The following HECW2 variants were observed in gnomAD, a reference collection of about 807,000 sequenced individuals.
HECW2 encodes E3 ubiquitin-protein ligase HECW2.
Under a neutral mutation model 175.2 loss-of-function variants are expected in HECW2, and 61 were observed. That is an observed-to-expected ratio of 0.35 (90% CI 0.28 to 0.43). HECW2 has a LOEUF of 0.43. Ranked by LOEUF, HECW2 falls within the 20% of genes least tolerant of loss-of-function variation. The pLI, the probability that HECW2 is intolerant of heterozygous loss-of-function variation, is 1.00. For synonymous variants in HECW2, 671 were observed against 731.0 expected (o/e 0.92, Z 1.32); for missense variants, 1,524 against 2,000.5 (o/e 0.76, Z 4.54).
At chr2:196,499,937 T>C (rs192266368) in intron 1 of HECW2, among the ~76,000 whole-genome samples, 1 of 152,284 alleles carries the variant, frequency 6.6e-6, no homozygotes, top group African/African-American at 2.4e-5. Context: ...ATGACTTTGT[T>C]ACAACAAACC....
At chr2:196,448,813 G>T (rs1030350114) in intron 1 of HECW2, among the ~76,000 whole-genome samples, 1 of 152,210 alleles carries the variant, frequency 6.6e-6, no homozygotes, top group Non-Finnish European at 1.5e-5. Flanking sequence ...TGATAAGCAG[G>T]CATAATTAAA....
chr2:196,267,979 T>TA (rs1337951684), intron 17 of HECW2, among the ~76,000 whole-genome samples: 1 of 152,206 alleles, frequency 6.6e-6, no homozygotes, highest in African/African-American at 2.4e-5. Flanking sequence ...CTTTGACACA[T>TA]AGATTACTGA....
At chr2:196,493,352 G>A (rs142267974) in intron 1 of HECW2, 14 of 152,158 alleles carry the variant, frequency 9.2e-5, no homozygotes, top group African/African-American at 3.4e-4. Context: ...TGGGCAACAG[G>A]CTCAGAGACC....
chr2:196,414,215 C>T (rs1279620307), intron 2 of HECW2, among the ~76,000 whole-genome samples: 1 of 152,206 alleles, frequency 6.6e-6, no homozygotes, highest in Non-Finnish European at 1.5e-5. Flanking sequence ...GTTAGCTTGA[C>T]TCAGAAGCAA....
chr2:196,236,878 T>C (rs1163727246), intron 21 of HECW2, among the ~76,000 whole-genome samples: 1 of 152,262 alleles, frequency 6.6e-6, no homozygotes, highest in Non-Finnish European at 1.5e-5. Flanking sequence ...GTCAGGTTTC[T>C]CTACTGTGAA....
chr2:196,485,793 C>T (rs1238745719), intron 1 of HECW2, among the ~76,000 whole-genome samples: 1 of 151,810 alleles, frequency 6.6e-6, no homozygotes, highest in Non-Finnish European at 1.5e-5. Flanking sequence ...AAAAGTAATT[C>T]GTAAAACAAT....
chr2:196,232,289 CTGAG>C (rs1378725513), intron 21 of HECW2, among the ~76,000 whole-genome samples: 1 of 152,182 alleles, frequency 6.6e-6, no homozygotes, highest in Non-Finnish European at 1.5e-5. Context: ...AGCTTTACCT[CTGAG>C]TATTTTAATA....
chr2:196,385,350 T>C (rs1694317919), intron 2 of HECW2, among the ~76,000 whole-genome samples: 1 of 152,198 alleles, frequency 6.6e-6, no homozygotes, highest in South Asian at 2.1e-4. Flanking sequence ...TAATGAAAAG[T>C]ATTCAACAAA....
chr2:196,374,022 A>C (rs1693979811), intron 2 of HECW2, among the ~76,000 whole-genome samples: 1 of 146,790 alleles, frequency 6.8e-6, no homozygotes, highest in African/African-American at 2.7e-5. Flanking sequence ...ACAGAGAGAG[A>C]CTCCGTCTCA....
At chr2:196,432,467 G>A (rs965076006) in intron 2 of HECW2, among the ~76,000 whole-genome samples, 5 of 152,138 alleles carry the variant, frequency 3.3e-5, no homozygotes, top group Admixed American at 1.3e-4. Flanking sequence ...GGCAGACATC[G>A]TACTTTTTGG....
intron 1 of HECW2, among the ~76,000 whole-genome samples, chr2:196,566,138 A>G (rs1047975328): frequency 8.5e-5 from 13 of 152,196 alleles, no homozygotes; most frequent in Non-Finnish European, 1.8e-4. Flanking sequence ...AAAAAAACTA[A>G]CTAAAATTTT....
At chr2:196,304,453 A>AGTGTGTGT (rs1691187068) in intron 13 of HECW2, among the ~76,000 whole-genome samples, 2 of 152,234 alleles carry the variant, frequency 1.3e-5, no homozygotes, top group Admixed American at 6.5e-5. Context: ...ACCACACTAC[A>AGTGTGTGT]GTACCTGCAT....
intron 2 of HECW2, among the ~76,000 whole-genome samples, chr2:196,401,382 G>A (rs1224436940): frequency 2.0e-5 from 3 of 152,108 alleles, no homozygotes; most frequent in Admixed American, 6.5e-5. Context: ...ATACATTTTT[G>A]TTTAAAAGTA....
intron 23 of HECW2, 38 bp from the exon 24 acceptor site, chr2:196,222,378 T>C (rs965534760): frequency 2.5e-6 from 4 of 1,601,382 alleles, no homozygotes; most frequent in Non-Finnish European, 2.6e-6. Context: ...TATGTAGGCA[T>C]GGCTATTAGC....
chr2:196,477,991 G>C (rs904835813), intron 1 of HECW2, among the ~76,000 whole-genome samples: 2 of 152,176 alleles, frequency 1.3e-5, no homozygotes, highest in African/African-American at 4.8e-5. Flanking sequence ...GGCGGAGGTT[G>C]CAGTGAGCCG....
At chr2:196,576,229 T>G (rs1456919637) in intron 1 of HECW2, among the ~76,000 whole-genome samples, 1 of 152,174 alleles carries the variant, frequency 6.6e-6, no homozygotes, top group Non-Finnish European at 1.5e-5. Flanking sequence ...ATAGCCTAAG[T>G]GTGTAGTAGG....
intron 5 of HECW2, among the ~76,000 whole-genome samples, 178 bp downstream of exon 5, chr2:196,329,397 A>G (rs187165704): frequency 1.2e-3 from 189 of 152,290 alleles, no homozygotes; most frequent in African/African-American, 3.9e-3. Context: ...TTCTGAATTT[A>G]TATTAATAAT....
intron 13 of HECW2, among the ~76,000 whole-genome samples, chr2:196,298,027 C>T (rs1039463247): frequency 4.6e-5 from 7 of 152,086 alleles, no homozygotes; most frequent in African/African-American, 1.4e-4. Context: ...TAAGAATATA[C>T]GTATGGATTT....
At chr2:196,256,418 A>G (rs891748888) in intron 18 of HECW2, among the ~76,000 whole-genome samples, 1 of 152,196 alleles carries the variant, frequency 6.6e-6, no homozygotes, top group Admixed American at 6.5e-5. Flanking sequence ...TTTGAATTCT[A>G]CTACTTAACA....
Sources: gnomAD v4.1 joint callset for allele counts (sites outside exome capture counted in the v4.1 genomes callset) on GRCh38, gnomAD v4.1.1 for gene constraint, MANE v1.5 for transcripts, NCBI Gene and HGNC (gene_info 2026-07-23, HGNC 2026-07-21) for gene names.